Variants in NAALADL2 observed in about 807,000 individuals in gnomAD.
The protein encoded by NAALADL2 is N-acetylated alpha-linked acidic dipeptidase like 2, also known as inactive N-acetylated-alpha-linked acidic dipeptidase-like protein 2.
A neutral mutation model predicts 87.2 loss-of-function variants in NAALADL2; 76 were observed. The observed-to-expected ratio is 0.87, with a 90% confidence interval of 0.72 to 1.05. The LOEUF (loss-of-function observed/expected upper bound fraction) is 1.05, where lower values mean the gene tolerates loss of function less well. Ranked by LOEUF, NAALADL2 falls within the 50% of genes least tolerant of loss-of-function variation. NAALADL2 has a pLI of 0.00. For synonymous variants in NAALADL2, 354 were observed against 331.0 expected (o/e 1.07, Z -0.75); for missense variants, 1,089 against 945.8 (o/e 1.15, Z -1.99).
intron 2 of NAALADL2, among the ~76,000 whole-genome samples, chr3:174,607,393 C>A (rs1230248051): frequency 6.6e-6 from 1 of 151,118 alleles, no homozygotes; most frequent in Non-Finnish European, 1.5e-5. Context: ...AGAGTCAAGA[C>A]CCATCAGTGT....
At chr3:175,347,627 T>A (rs565353108) in intron 5 of NAALADL2, among the ~76,000 whole-genome samples, 1 of 152,320 alleles carries the variant, frequency 6.6e-6, no homozygotes, top group East Asian at 1.9e-4. Context: ...ATCCATGTGA[T>A]TTCTTGGTCA....
chr3:175,235,514 A>G (rs1401251338), intron 3 of NAALADL2: 1 of 152,206 alleles, frequency 6.6e-6, no homozygotes, highest in African/African-American at 2.4e-5. Context: ...ACACACCTGT[A>G]TATTAATAAA....
chr3:175,045,711 T>C (rs938757904), intron 1 of NAALADL2, among the ~76,000 whole-genome samples: 4 of 152,150 alleles, frequency 2.6e-5, no homozygotes, highest in Non-Finnish European at 5.9e-5. Flanking sequence ...CCCAGATACT[T>C]GCTCAAGAAT....
chr3:174,653,695 A>G (rs1412621609), intron 2 of NAALADL2, among the ~76,000 whole-genome samples: 2 of 152,168 alleles, frequency 1.3e-5, no homozygotes, highest in East Asian at 3.8e-4. Flanking sequence ...CAGAGTAGCT[A>G]GAGTTTAGGG....
intron 11 of NAALADL2, among the ~76,000 whole-genome samples, chr3:175,684,254 A>C (rs574503975): frequency 6.6e-6 from 1 of 152,150 alleles, no homozygotes; most frequent in Admixed American, 6.5e-5. Context: ...ATAGATTTTT[A>C]AAAAATATCC....
chr3:175,443,114 T>A (rs1157482741), intron 5 of NAALADL2, among the ~76,000 whole-genome samples: 3 of 152,190 alleles, frequency 2.0e-5, no homozygotes, highest in African/African-American at 7.2e-5. Flanking sequence ...AATTTAATCT[T>A]AGTGTCTTGT....
intron 5 of NAALADL2, among the ~76,000 whole-genome samples, chr3:175,328,612 T>TA (rs756543769): frequency 1.3e-4 from 20 of 152,162 alleles, no homozygotes; most frequent in Non-Finnish European, 2.5e-4. Flanking sequence ...TCTGGAATTC[T>TA]AAGAGACTTT....
chr3:175,300,077 G>A (rs1278795171), intron 4 of NAALADL2, among the ~76,000 whole-genome samples: 1 of 152,134 alleles, frequency 6.6e-6, no homozygotes, highest in Non-Finnish European at 1.5e-5. Context: ...CTGTTTATGT[G>A]ATGGATTATG....
chr3:174,989,599 A>AAAAAT (rs1478330013), intron 1 of NAALADL2, among the ~76,000 whole-genome samples: 1 of 152,184 alleles, frequency 6.6e-6, no homozygotes, highest in Admixed American at 6.6e-5. Flanking sequence ...ATGAGCTCTT[A>AAAAAT]AAAATATTAA....
At chr3:174,762,240 A>G (rs1036985791) in intron 3 of NAALADL2, among the ~76,000 whole-genome samples, 5 of 148,628 alleles carry the variant, frequency 3.4e-5, no homozygotes, top group Admixed American at 2.0e-4. Flanking sequence ...GCTCACTGCA[A>G]GCTCCCAGGT....
intron 6 of NAALADL2, among the ~76,000 whole-genome samples, chr3:175,450,017 A>G (rs1435274212): frequency 1.3e-5 from 2 of 152,188 alleles, no homozygotes; most frequent in Non-Finnish European, 2.9e-5. Context: ...AATTTTCCAA[A>G]TACTGATTGA....
At chr3:174,805,354 G>T (rs561553394) in intron 3 of NAALADL2, among the ~76,000 whole-genome samples, 2 of 152,132 alleles carry the variant, frequency 1.3e-5, no homozygotes, top group African/African-American at 4.8e-5. Context: ...TTACTTCGTT[G>T]TTCTAAGGAA....
At chr3:175,196,124 C>G (rs144498277) in intron 2 of NAALADL2, among the ~76,000 whole-genome samples, 1 of 151,936 alleles carries the variant, frequency 6.6e-6, no homozygotes, top group African/African-American at 2.4e-5. Context: ...GGAAACAATT[C>G]AGAAAAAGGG....
chr3:175,374,356 C>A (rs751817484), intron 5 of NAALADL2, among the ~76,000 whole-genome samples: 1 of 151,200 alleles, frequency 6.6e-6, no homozygotes, highest in Non-Finnish European at 1.5e-5. Context: ...GAGTTCAAGA[C>A]CAGCTTGGCC....
chr3:174,822,219 T>C (rs959181687), intron 3 of NAALADL2, among the ~76,000 whole-genome samples: 4 of 151,726 alleles, frequency 2.6e-5, no homozygotes, highest in African/African-American at 9.7e-5. Flanking sequence ...AATATAACAC[T>C]ATATGAGAGC....
chr3:174,675,254 T>A lies in NAALADL2; in HGVS notation c.-114-62387T>A, dbSNP rs913545622. 2.9e-4 allele frequency among the ~76,000 whole-genome samples: 44 copies of A among 152,034 alleles called. 1 individual carries two copies. The highest frequency in any genetic ancestry group is 8.8e-5 in the Non-Finnish European group (6 of 67,980). On this transcript the variant is annotated intron_variant, in intron 2 of 3. Coordinates refer to the NAALADL2 transcript ENST00000434257. ...AAAGGAGCTTTGAGATTATTCCTAG[T>A]TTTGAAATGTGACTATTTAGGGATG...
chr3:175,319,548 G>T (rs546352952), intron 4 of NAALADL2, among the ~76,000 whole-genome samples: 1 of 152,160 alleles, frequency 6.6e-6, no homozygotes, highest in Non-Finnish European at 1.5e-5. Context: ...GGCAGGGCGC[G>T]GTGGCTCACA....
In NAALADL2 at chr3:175,330,695, CA is replaced by C. The variant is rs200189665; in HGVS notation, c.1090+6377del. Among the ~76,000 whole-genome samples, 122 of 151,868 alleles carry C rather than the reference CA, an allele frequency of 8.0e-4. 2 individuals carry two copies. In the East Asian group the frequency reaches 0.016, roughly 20 times the overall value. On this transcript the variant is annotated intron_variant, in intron 5 of 13. Coordinates refer to ENST00000454872, the MANE Select transcript of NAALADL2 (RefSeq NM_207015.3). Reference sequence around the variant, plus strand: ...AATTTCATAGCAAAAACACCTATATCAAAAAAATACAAAGATTTCAAGTAAG... The same window carrying C: ...AATTTCATAGCAAAAACACCTATATCAAAAAATACAAAGATTTCAAGTAAG...
intron 5 of NAALADL2, among the ~76,000 whole-genome samples, chr3:175,367,262 G>T (rs1197138785): frequency 1.3e-5 from 2 of 151,758 alleles, no homozygotes; most frequent in Non-Finnish European, 2.9e-5. Flanking sequence ...GGTTACTGTA[G>T]CCTTGTAGTA....
Sources: allele counts gnomAD v4.1 joint callset (sites outside exome capture counted in the v4.1 genomes callset), GRCh38; gene constraint gnomAD v4.1.1; transcripts MANE v1.5; gene names NCBI Gene and HGNC (gene_info 2026-07-23, HGNC 2026-07-21).